SULT1B1: variants seen among roughly 807,000 people sequenced by gnomAD.
The protein encoded by SULT1B1 is sulfotransferase 1B1.
Under a neutral mutation model 34.6 loss-of-function variants are expected in SULT1B1, and 28 were observed. The ratio of observed to expected loss-of-function variants is 0.81; its 90% CI spans 0.60 to 1.11. SULT1B1 has a LOEUF of 1.11. SULT1B1 is among the 50% of genes least tolerant of loss of function. The pLI is 0.00. For missense variants in SULT1B1, 374 were observed against 352.2 expected (o/e 1.06, Z -0.50); for synonymous variants, 147 against 110.2 (o/e 1.33, Z -2.09).
chr4:69,743,561 C>A (rs1315783733), intron 4 of SULT1B1, among the ~76,000 whole-genome samples: 2 of 152,190 alleles, frequency 1.3e-5, no homozygotes, highest in Non-Finnish European at 2.9e-5. Context: ...CCCCCTTCTG[C>A]CCAGGAGCCT....
chr4:69,730,419 T>A (rs865791395), intron 7 of SULT1B1, 82 bp downstream of exon 7: 18 of 1,295,080 alleles, frequency 1.4e-5, no homozygotes, highest in Non-Finnish European at 1.9e-5. Flanking sequence ...AGAAACTTAG[T>A]AGAGATCACA....
At chr4:69,737,208 G>T (rs913433443) in intron 4 of SULT1B1, among the ~76,000 whole-genome samples, 1 of 152,114 alleles carries the variant, frequency 6.6e-6, no homozygotes, top group Admixed American at 6.5e-5. Context: ...TTTTTCAAGT[G>T]CAGAAAGTAA....
At chr4:69,754,824 A>C in intron 2 of SULT1B1, 26 bp from the exon 3 acceptor site, 1 of 1,606,484 alleles carries the variant, frequency 6.2e-7, no homozygotes, top group South Asian at 1.1e-5. Context: ...ACATTTTCAA[A>C]ATAATTACCC....
Position 69,755,271 on chromosome 4 carries a change from T to A in SULT1B1, c.-44-10A>T. 1 of 1,571,178 alleles carries A rather than the reference T, an allele frequency of 6.4e-7. No individual in the cohort carries two copies. Among genetic ancestry groups the A allele is most frequent in the South Asian group, 1.1e-5 (1 of 88,834 alleles). Reference sequence around the variant, plus strand: ...TAGATTGACAGTTGTTCTGGAGAAATATAGAGAATAAAAATCAGAATCTGA... The same window carrying A: ...TAGATTGACAGTTGTTCTGGAGAAAAATAGAGAATAAAAATCAGAATCTGA... On this transcript the variant is annotated splice_polypyrimidine_tract_variant and intron_variant, in intron 1 of 7. Transcript: ENST00000310613.
At chr4:69,755,035 G>A in intron 2 of SULT1B1, 35 bp downstream of exon 2, 1 of 1,552,832 alleles carries the variant, frequency 6.4e-7, no homozygotes, top group Non-Finnish European at 8.8e-7. Context: ...CAAAAAATGA[G>A]GTCGGACTTG....
intron 7 of SULT1B1, among the ~76,000 whole-genome samples, chr4:69,727,500 A>G (rs547368424): frequency 3.3e-5 from 5 of 152,142 alleles, no homozygotes; most frequent in South Asian, 2.1e-4. Context: ...CCCAAGAGTG[A>G]TAATTTTACT....
intron 4 of SULT1B1, among the ~76,000 whole-genome samples, chr4:69,748,493 A>G (rs1240428681): frequency 1.3e-5 from 2 of 152,204 alleles, no homozygotes; most frequent in East Asian, 1.9e-4. Context: ...AAAGGATATA[A>G]AAGAACTGAA....
intron 4 of SULT1B1, among the ~76,000 whole-genome samples, chr4:69,737,888 A>T (rs1308811981): frequency 1.3e-5 from 2 of 152,114 alleles, no homozygotes; most frequent in East Asian, 3.9e-4. Flanking sequence ...TTTTAGGTCC[A>T]GTGGGCGCAT....
At chr4:69,731,546 T>C (rs925020650) in intron 6 of SULT1B1, among the ~76,000 whole-genome samples, 1 of 152,228 alleles carries the variant, frequency 6.6e-6, no homozygotes, top group African/African-American at 2.4e-5. Flanking sequence ...ACCTCACTTA[T>C]TAGGAATGCA....
intron 4 of SULT1B1, among the ~76,000 whole-genome samples, chr4:69,738,261 A>G (rs114138074): frequency 0.025 from 3,784 of 152,298 alleles, 161 homozygotes; most frequent in African/African-American, 0.085. Flanking sequence ...GTGCTCCACC[A>G]TTAATGAGTA....
At chr4:69,731,376 A>T (rs1307239488) in intron 6 of SULT1B1, among the ~76,000 whole-genome samples, 3 of 152,194 alleles carry the variant, frequency 2.0e-5, no homozygotes, top group African/African-American at 7.2e-5. Context: ...AACCATCCAT[A>T]TACAGCCCCC....
rs1164899488 is a variant in SULT1B1 at position 69,726,847 on chromosome 4, G to A, written c.*241C>T. ...TAGAAAAAGGCAGGAAGAGCCTGTG[G>A]TTACATTGTTCCTTTGTTACAAAAA... On this transcript the variant is annotated 3_prime_UTR_variant, in exon 8 of 8. Transcript: ENST00000310613. 1.1e-5 allele frequency: 4 copies of A among 360,654 alleles called. No homozygotes were observed. Among genetic ancestry groups the A allele is most frequent in the Non-Finnish European group, 2.0e-5 (4 of 201,890 alleles). 22.3% of individuals were successfully genotyped at this position (360,654 alleles called of 1,614,324 possible).
chr4:69,754,572 C>T (rs1302498117), intron 3 of SULT1B1, 98 bp downstream of exon 3: 7 of 1,256,258 alleles, frequency 5.6e-6, no homozygotes, highest in Non-Finnish European at 7.7e-6. Context: ...TTTATGTCAC[C>T]AAATCTACTC....
chr4:69,721,742 A>G lies in SULT1B1; in HGVS notation c.*5346T>C, dbSNP rs950398478. On this transcript the variant is annotated 3_prime_UTR_variant, in exon 8 of 8. Transcript: ENST00000310613. ...CTGAGTGTCTATCCATGTCATGATG[A>G]AAAGTTCTTGTAAGCAATGCTTTGG... 6.6e-6 allele frequency: 1 copy of G among 152,136 alleles called. No homozygotes were observed. Among genetic ancestry groups the G allele is most frequent in the Non-Finnish European group, 1.5e-5 (1 of 67,996 alleles). 9.4% of individuals were successfully genotyped at this position (152,136 alleles called of 1,614,324 possible). A position where few individuals can be genotyped will look rare whatever the true frequency, so the allele number is the denominator to read the frequency against.
Position 69,755,060 on chromosome 4 carries a change from C to T in SULT1B1, c.148+10G>A. On this transcript the variant is annotated intron_variant, in intron 2 of 7. Coordinates refer to ENST00000310613, the MANE Select transcript of SULT1B1 (RefSeq NM_014465.4). ...GGTCGGACTTGAATTTGTCAGGCCA[C>T]AGAACTCACCTGATTTAGGATAAGT... The T allele has an allele frequency of 1.2e-6, 2 of 1,604,358 alleles. No individual in the cohort carries two copies. Among genetic ancestry groups the T allele is most frequent in the Non-Finnish European group, 1.7e-6 (2 of 1,171,940 alleles).
chr4:69,744,777 G>A (rs1052970314), intron 4 of SULT1B1, among the ~76,000 whole-genome samples: 2 of 151,930 alleles, frequency 1.3e-5, no homozygotes, highest in South Asian at 2.1e-4. Flanking sequence ...TTTTGATATT[G>A]GTTTGCTCTT....
intron 4 of SULT1B1, among the ~76,000 whole-genome samples, chr4:69,734,570 T>G (rs563131344): frequency 6.6e-6 from 1 of 152,138 alleles, no homozygotes; most frequent in African/African-American, 2.4e-5. Flanking sequence ...TGCAAGGTCC[T>G]AGAACACACA....
chr4:69,730,063 A>T (rs1425952151), intron 7 of SULT1B1, among the ~76,000 whole-genome samples: 1 of 152,082 alleles, frequency 6.6e-6, no homozygotes, highest in African/African-American at 2.4e-5. Context: ...CTTTTGGTGA[A>T]TTATTTTTAA....
At chr4:69,743,644 T>C (rs568225907) in intron 4 of SULT1B1, among the ~76,000 whole-genome samples, 2 of 152,276 alleles carry the variant, frequency 1.3e-5, no homozygotes, top group East Asian at 3.9e-4. Context: ...AGCTTCGACC[T>C]GCCCTCAGCA....
Sources: gnomAD v4.1 joint callset for allele counts (sites outside exome capture counted in the v4.1 genomes callset) on GRCh38, gnomAD v4.1.1 for gene constraint, MANE v1.5 for transcripts, NCBI Gene and HGNC (gene_info 2026-07-23, HGNC 2026-07-21) for gene names.